The following CSMD1 variants were observed in gnomAD, a reference collection of about 807,000 sequenced individuals.
CSMD1 encodes CUB and sushi domain-containing protein 1.
A neutral mutation model predicts 417.5 loss-of-function variants in CSMD1; 213 were observed. The ratio of observed to expected loss-of-function variants is 0.51; its 90% CI spans 0.46 to 0.57. The LOEUF (loss-of-function observed/expected upper bound fraction) is 0.57. Ranked by LOEUF, CSMD1 falls within the 20% of genes least tolerant of loss-of-function variation. CSMD1 has a pLI of 0.00. For missense variants in CSMD1, 6,923 were observed against 4,529.7 expected (o/e 1.53, Z -15.17); for synonymous variants, 2,862 against 1,736.8 (o/e 1.65, Z -16.11).
intron 7 of CSMD1, among the ~76,000 whole-genome samples, chr8:3,682,179 A>C (rs1488977463): frequency 2.6e-5 from 4 of 152,212 alleles, no homozygotes; most frequent in Admixed American, 6.5e-5. Flanking sequence ...ACAAAAGCCA[A>C]AATTGACAAA....
chr8:4,807,299 C>A (rs1268257945), intron 1 of CSMD1, among the ~76,000 whole-genome samples: 4 of 152,182 alleles, frequency 2.6e-5, no homozygotes, highest in Non-Finnish European at 5.9e-5. Context: ...GGCCCTATGA[C>A]AGGCCTCGGC....
chr8:3,223,396 G>C (rs17079649), intron 28 of CSMD1, among the ~76,000 whole-genome samples: 21,592 of 152,122 alleles, frequency 0.14, 1,718 homozygotes, highest in East Asian at 0.26. Context: ...AGAGTGATAG[G>C]AGACATTGAT....
At chr8:3,181,855 G>C (rs541718866) in intron 36 of CSMD1, among the ~76,000 whole-genome samples, 1 of 152,178 alleles carries the variant, frequency 6.6e-6, no homozygotes, top group Non-Finnish European at 1.5e-5. Flanking sequence ...GAGGACCAGG[G>C]TAAGAAAGAA....
At chr8:3,664,714 T>C (rs1429860429) in intron 7 of CSMD1, among the ~76,000 whole-genome samples, 1 of 152,238 alleles carries the variant, frequency 6.6e-6, no homozygotes, top group Non-Finnish European at 1.5e-5. Flanking sequence ...CTTATCGGGA[T>C]GTTGAATAAA....
intron 8 of CSMD1, among the ~76,000 whole-genome samples, 200 bp from the exon 9 acceptor site, chr8:3,586,460 A>AGAACTCCTGGCCTGTGCTTG (rs1424518726): frequency 6.6e-6 from 1 of 152,186 alleles, no homozygotes; most frequent in South Asian, 2.1e-4. Context: ...ACTTGGGTTC[A>AGAACTCCTGGCCTGTGCTTG]GATTCCTGTT....
In CSMD1 at chr8:3,562,295, G is replaced by C. The variant is rs907041278; in HGVS notation, c.1344+12650C>G. 7.4e-5 allele frequency among the ~76,000 whole-genome samples: 10 copies of C among 135,864 alleles called. No individual in the cohort carries two copies. In the East Asian group the frequency reaches 1.5e-3, roughly 20 times the overall value. 89.1% of individuals were successfully genotyped at this position (135,864 alleles called of 152,430 possible). ...AACATCAACTGATGAGAGAGTTTTAGAATCTAGAAAGACTTGGGAACCCTC... is the reference window on the plus strand; with the variant it reads ...AACATCAACTGATGAGAGAGTTTTACAATCTAGAAAGACTTGGGAACCCTC... On this transcript the variant is annotated intron_variant, in intron 10 of 69. Coordinates refer to ENST00000635120, the MANE Select transcript of CSMD1 (RefSeq NM_033225.6).
intron 5 of CSMD1, among the ~76,000 whole-genome samples, chr8:3,854,573 C>T (rs556989105): frequency 5.9e-5 from 9 of 152,088 alleles, no homozygotes; most frequent in African/African-American, 2.2e-4. Context: ...TTTCTATCTC[C>T]CTGCACTGGA....
At chr8:4,347,329 A>G (rs1198276376) in intron 3 of CSMD1, among the ~76,000 whole-genome samples, 2 of 152,204 alleles carry the variant, frequency 1.3e-5, no homozygotes, top group Non-Finnish European at 2.9e-5. Flanking sequence ...AGTCTATAGC[A>G]TAGGACAAAA....
At chr8:3,379,862 C>A (rs1415921817) in intron 18 of CSMD1, among the ~76,000 whole-genome samples, 1 of 152,002 alleles carries the variant, frequency 6.6e-6, no homozygotes, top group African/African-American at 2.4e-5. Context: ...ACTAAAACAC[C>A]AAAAAGCAAT....
intron 1 of CSMD1, among the ~76,000 whole-genome samples, chr8:4,639,118 C>T (rs912729953): frequency 2.6e-5 from 4 of 152,116 alleles, no homozygotes; most frequent in African/African-American, 4.8e-5. Context: ...ATTTCATTTC[C>T]GCTACTCCTG....
chr8:4,194,012 T>C (rs555004098), intron 3 of CSMD1, among the ~76,000 whole-genome samples: 1 of 152,126 alleles, frequency 6.6e-6, no homozygotes, highest in Non-Finnish European at 1.5e-5. Flanking sequence ...TTCATAATGT[T>C]TTTGATATTT....
intron 26 of CSMD1, among the ~76,000 whole-genome samples, chr8:3,232,254 C>T (rs1798886173): frequency 6.6e-6 from 1 of 152,152 alleles, no homozygotes; most frequent in Admixed American, 6.6e-5. Context: ...ATATCAGTTT[C>T]CTGAAATCAA....
chr8:4,034,127 G>A (rs182570691), intron 3 of CSMD1, among the ~76,000 whole-genome samples: 12 of 152,208 alleles, frequency 7.9e-5, no homozygotes, highest in Admixed American at 7.2e-4. Context: ...AATATTTTCT[G>A]TTTTATTAGT....
chr8:3,754,112 C>G, intron 5 of CSMD1, 70 bp from the exon 6 acceptor site: 1 of 920,674 alleles, frequency 1.1e-6, no homozygotes, highest in Non-Finnish European at 1.7e-6. Flanking sequence ...ATCAAACCCG[C>G]TTTGAAATCC....
chr8:4,499,750 A>G (rs1357715923), intron 2 of CSMD1, among the ~76,000 whole-genome samples: 1 of 152,250 alleles, frequency 6.6e-6, no homozygotes, highest in Non-Finnish European at 1.5e-5. Context: ...TATTAGAAAA[A>G]TAAGAAAGTT....
At chr8:4,178,773 G>C (rs2460376) in intron 3 of CSMD1, among the ~76,000 whole-genome samples, 1 of 152,152 alleles carries the variant, frequency 6.6e-6, no homozygotes, top group Non-Finnish European at 1.5e-5. Context: ...TACAAGCATT[G>C]TTATACACCA....
At chr8:3,620,893 G>C (rs1261860081) in intron 7 of CSMD1, among the ~76,000 whole-genome samples, 1 of 152,072 alleles carries the variant, frequency 6.6e-6, no homozygotes, top group Non-Finnish European at 1.5e-5. Flanking sequence ...CCCGCAAAGG[G>C]TTACACCTTG....
intron 3 of CSMD1, among the ~76,000 whole-genome samples, chr8:4,196,536 T>C (rs1199088430): frequency 6.6e-6 from 1 of 152,200 alleles, no homozygotes; most frequent in Non-Finnish European, 1.5e-5. Flanking sequence ...CCTTGCTGGC[T>C]GTAAACTGTG....
chr8:4,855,355 G>C (rs888543271), intron 1 of CSMD1, among the ~76,000 whole-genome samples: 2 of 152,138 alleles, frequency 1.3e-5, no homozygotes, highest in East Asian at 1.9e-4. Context: ...AAAGCAGAGC[G>C]CCTCTCCTCC....
Sources: gnomAD v4.1 joint callset for allele counts (sites outside exome capture counted in the v4.1 genomes callset) on GRCh38, gnomAD v4.1.1 for gene constraint, MANE v1.5 for transcripts, NCBI Gene and HGNC (gene_info 2026-07-23, HGNC 2026-07-21) for gene names.